The following ZNF654 variants were observed in gnomAD, a reference collection of about 807,000 sequenced individuals.
ZNF654 encodes zinc finger protein 654, also known as melanoma-associated antigen.
In ZNF654, 19 loss-of-function variants were observed where a neutral mutation model predicts 95.3. The observed-to-expected ratio is 0.20, with a 90% CI of 0.14 to 0.29. The LOEUF (loss-of-function observed/expected upper bound fraction) is 0.29. Among genes scored for constraint, ZNF654 ranks in the 10% least tolerant of loss-of-function variants. ZNF654 has a pLI of 1.00. For synonymous variants in ZNF654, 413 were observed against 457.9 expected (o/e 0.90, Z 1.25); for missense variants, 1,046 against 1,341.0 (o/e 0.78, Z 3.44).
At chr3:88,109,607 G>A (rs968473722) in intron 2 of ZNF654, among the ~76,000 whole-genome samples, 2 of 152,090 alleles carry the variant, frequency 1.3e-5, no homozygotes, top group African/African-American at 4.8e-5. Flanking sequence ...AAAAGAGTAA[G>A]GGTTAGCAGA....
At chr3:88,071,790 G>C (rs774757969) in intron 1 of ZNF654, among the ~76,000 whole-genome samples, 60 of 152,118 alleles carry the variant, frequency 3.9e-4, no homozygotes, top group Non-Finnish European at 5.3e-4. Context: ...GGCGACAAGA[G>C]TGAGACTCCG....
chr3:88,141,819 G>A lies in ZNF654; in HGVS notation c.*167G>A, dbSNP rs1043116278. The A allele has an allele frequency of 2.1e-6, 1 of 482,732 alleles. No individual in the cohort carries two copies. The highest frequency in any genetic ancestry group is 2.0e-5 in the African/African-American group (1 of 50,628). 29.9% of individuals were successfully genotyped at this position (482,732 alleles called of 1,614,324 possible). On this transcript the variant is annotated 3_prime_UTR_variant, in exon 9 of 9. Coordinates refer to ENST00000636215, the MANE Select transcript of ZNF654 (RefSeq NM_001350134.2). ...TTTTCTAGAATGAACTCACAGAGAT[G>A]TGCTGGCTTAGACTCCAAAAGGATT...
chr3:88,090,694 TC>T (rs1179433791), intron 2 of ZNF654, among the ~76,000 whole-genome samples: 1 of 152,182 alleles, frequency 6.6e-6, no homozygotes, highest in Non-Finnish European at 1.5e-5. Context: ...TATAACAACA[TC>T]ATTCTTGCAA....
At chr3:88,102,275 T>C (rs1288594920) in intron 2 of ZNF654, among the ~76,000 whole-genome samples, 1 of 152,184 alleles carries the variant, frequency 6.6e-6, no homozygotes, top group South Asian at 2.1e-4. Context: ...GAAACCACTA[T>C]TGTGTTTTCT....
intron 7 of ZNF654, among the ~76,000 whole-genome samples, chr3:88,137,536 G>T (rs1001523555): frequency 1.3e-5 from 2 of 152,012 alleles, no homozygotes; most frequent in African/African-American, 4.8e-5. Flanking sequence ...TCACAGTTGG[G>T]GGGTGAGGAC....
At chr3:88,065,583 G>GT (rs1182368233) in intron 1 of ZNF654, among the ~76,000 whole-genome samples, 1 of 151,926 alleles carries the variant, frequency 6.6e-6, no homozygotes, top group African/African-American at 2.4e-5. Context: ...TGTTAACTTT[G>GT]TGGTGGTATG....
intron 2 of ZNF654, among the ~76,000 whole-genome samples, chr3:88,100,626 A>G (rs1011377048): frequency 6.6e-6 from 1 of 152,240 alleles, no homozygotes; most frequent in African/African-American, 2.4e-5. Context: ...AATACGATGC[A>G]GCCATAAAAA....
At chr3:88,123,717 A>G (rs545715402) in intron 3 of ZNF654, among the ~76,000 whole-genome samples, 2 of 152,300 alleles carry the variant, frequency 1.3e-5, no homozygotes, top group South Asian at 4.1e-4. Context: ...TGCCTCACCT[A>G]TCCTTAGACA....
intron 1 of ZNF654, among the ~76,000 whole-genome samples, chr3:88,065,144 C>T (rs984883141): frequency 9.9e-5 from 15 of 152,150 alleles, no homozygotes; most frequent in Non-Finnish European, 1.9e-4. Context: ...AATTTTGGCA[C>T]ATTTGGGATA....
chr3:88,067,760 T>C lies in ZNF654; in HGVS notation c.186+8255T>C, dbSNP rs1417741775. Among the ~76,000 whole-genome samples, 3 of 152,106 alleles carry C rather than the reference T, an allele frequency of 2.0e-5. No individual in the cohort carries two copies. In the South Asian group the frequency reaches 6.2e-4, roughly 32 times the overall value. On this transcript the variant is annotated intron_variant, in intron 1 of 8. Transcript: ENST00000636215. ...TGTAGTGATGGGATCAGTAGTCAGG[T>C]TGGAGTAGTTCCAAGAGTGGGAGGT...
intron 2 of ZNF654, among the ~76,000 whole-genome samples, chr3:88,111,259 C>T (rs546236123): frequency 5.9e-5 from 9 of 152,014 alleles, no homozygotes; most frequent in African/African-American, 1.9e-4. Context: ...AATTACAAAA[C>T]GATTAATAAC....
chr3:88,061,842 G>A (rs1706903316), intron 1 of ZNF654, among the ~76,000 whole-genome samples: 1 of 152,122 alleles, frequency 6.6e-6, no homozygotes, highest in Non-Finnish European at 1.5e-5. Flanking sequence ...GTAATGCAAT[G>A]GATATTGTGC....
At position 88,059,462 on chromosome 3, in the gene ZNF654, G is replaced by A; in HGVS notation, c.143G>A (p.Gly48Asp). ...GGAGSGNCGG[G>D]VGISSRDYCR... ...GCTGGCAGCGGCAACTGCGGCGGCG[G>A]CGTCGGAATCAGCAGTCGGGATTAC... Residue 48 changes from glycine (G) to aspartate (D), a missense_variant, in exon 1 of 9, where the codon GGC (glycine) becomes GAC (aspartate). Transcript: ENST00000636215. 6.6e-7 allele frequency: 1 copy of A among 1,522,258 alleles called. No individual in the cohort carries two copies. The highest frequency in any genetic ancestry group is 8.8e-7 in the Non-Finnish European group (1 of 1,142,012). The allele number at this position is 1,522,258 out of a possible 1,614,324, so 94.3% of individuals were successfully genotyped here.
intron 1 of ZNF654, among the ~76,000 whole-genome samples, chr3:88,084,721 C>G (rs1708249214): frequency 6.6e-6 from 1 of 152,160 alleles, no homozygotes; most frequent in Non-Finnish European, 1.5e-5. Flanking sequence ...GGCAATTACA[C>G]GAAACTCTTG....
chr3:88,124,051 G>T (rs1000886581), intron 3 of ZNF654, among the ~76,000 whole-genome samples: 2 of 152,090 alleles, frequency 1.3e-5, no homozygotes, highest in African/African-American at 2.4e-5. Context: ...CTTTAACATG[G>T]TGACATGTGG....
intron 1 of ZNF654, among the ~76,000 whole-genome samples, chr3:88,071,782 C>T (rs1271800916): frequency 6.6e-6 from 1 of 151,942 alleles, no homozygotes; most frequent in Non-Finnish European, 1.5e-5. Context: ...CCAGCCTGGG[C>T]GACAAGAGTG....
intron 2 of ZNF654, among the ~76,000 whole-genome samples, chr3:88,088,005 T>C (rs1305706958): frequency 6.6e-6 from 1 of 152,192 alleles, no homozygotes; most frequent in Non-Finnish European, 1.5e-5. Flanking sequence ...TCAGTAAGTA[T>C]AAATACAAAT....
At chr3:88,126,603 T>TG (rs1302943658) in intron 4 of ZNF654, among the ~76,000 whole-genome samples, 1 of 105,712 alleles carries the variant, frequency 9.5e-6, no homozygotes, top group Non-Finnish European at 2.1e-5. Flanking sequence ...TTTTTTTTTT[T>TG]TAAGAAACAA....
chr3:88,117,226 C>T (rs762553665), intron 3 of ZNF654, among the ~76,000 whole-genome samples: 20 of 152,144 alleles, frequency 1.3e-4, no homozygotes, highest in Non-Finnish European at 2.4e-4. Context: ...TAATTTTCAA[C>T]TCATAATTAC....
Sources: gnomAD v4.1 joint callset for allele counts (sites outside exome capture counted in the v4.1 genomes callset) on GRCh38, gnomAD v4.1.1 for gene constraint, MANE v1.5 for transcripts, NCBI Gene and HGNC (gene_info 2026-07-23, HGNC 2026-07-21) for gene names.